Variants in PGAP1 observed in about 807,000 individuals in gnomAD.
PGAP1 encodes GPI inositol-deacylase.
Under a neutral mutation model 127.0 loss-of-function variants are expected in PGAP1, and 76 were observed. The observed-to-expected ratio is 0.60, with a 90% CI of 0.50 to 0.72. PGAP1 has a LOEUF of 0.72. Ranked by LOEUF, PGAP1 falls within the 30% of genes least tolerant of loss-of-function variation. The pLI is 0.00. For missense variants in PGAP1, 982 were observed against 1,071.3 expected (o/e 0.92, Z 1.16); for synonymous variants, 362 against 366.5 (o/e 0.99, Z 0.14).
At chr2:196,925,665 GCT>G (rs1226388119) in intron 1 of PGAP1, among the ~76,000 whole-genome samples, 1 of 151,940 alleles carries the variant, frequency 6.6e-6, no homozygotes, top group African/African-American at 2.4e-5. Context: ...AGAAGGGTTG[GCT>G]CTCTCTTAAA....
chr2:196,925,861 T>A (rs1262783318), intron 1 of PGAP1, among the ~76,000 whole-genome samples: 2 of 152,118 alleles, frequency 1.3e-5, no homozygotes, highest in Non-Finnish European at 2.9e-5. Context: ...CAAGAGGGGA[T>A]CTAGTTTCCA....
rs1386374840 is a variant in PGAP1 at position 196,885,838 on chromosome 2, T to C, written c.1216A>G (p.Met406Val). 7.0e-7 allele frequency: 1 copy of C among 1,420,394 alleles called. No individual in the cohort carries two copies. 88.0% of individuals were successfully genotyped at this position (1,420,394 alleles called of 1,614,324 possible). A position where few individuals can be genotyped will look rare whatever the true frequency, so the allele number is the denominator to read the frequency against. The change falls in exon 11 of 27, where the codon ATG becomes GTG. Residue 406 changes from methionine to valine, a missense_variant. Physicochemically the swap from Met to Val is conservative, Grantham distance 21. Transcript: ENST00000354764. ...WIFACINSTS[M>V]CLQGVDLSWK... Reference sequence around the variant, plus strand: ...ACATGCATTCAAAAGACTTACCACATAGAAGTGCTGTTTATGCAAGCAAAA... The same window carrying C: ...ACATGCATTCAAAAGACTTACCACACAGAAGTGCTGTTTATGCAAGCAAAA...
At chr2:196,853,195 T>C (rs1700774276) in intron 20 of PGAP1, among the ~76,000 whole-genome samples, 1 of 152,230 alleles carries the variant, frequency 6.6e-6, no homozygotes, top group South Asian at 2.1e-4. Flanking sequence ...GTTCTTCCTC[T>C]CTCCCTTTGA....
intron 4 of PGAP1, among the ~76,000 whole-genome samples, chr2:196,904,347 C>G (rs1702613716): frequency 6.6e-6 from 1 of 152,126 alleles, no homozygotes. Context: ...GGCCACAACT[C>G]AAGCTTAGGA....
At chr2:196,869,173 C>T (rs1003990796) in intron 19 of PGAP1, among the ~76,000 whole-genome samples, 2 of 152,140 alleles carry the variant, frequency 1.3e-5, no homozygotes, top group African/African-American at 4.8e-5. Flanking sequence ...TCTAGTGTAT[C>T]AAGCTGACTT....
chr2:196,833,590 C>G lies in PGAP1; in HGVS notation c.*7644G>C, dbSNP rs1027696843. The G allele has an allele frequency of 6.6e-6, 1 of 152,108 alleles. No individual in the cohort carries two copies. The highest frequency in any genetic ancestry group is 2.4e-5 in the African/African-American group (1 of 41,438). 9.4% of individuals were successfully genotyped at this position (152,108 alleles called of 1,614,324 possible). A position where few individuals can be genotyped will look rare whatever the true frequency, so the allele number is the denominator to read the frequency against. ...TATTACATACCCTTGCTCAAACTAC[C>G]TTCATGTCAATAAGATCATGTTTTA... On this transcript the variant is annotated 3_prime_UTR_variant, in exon 27 of 27. Coordinates refer to ENST00000354764, the MANE Select transcript of PGAP1 (RefSeq NM_024989.4).
intron 1 of PGAP1, among the ~76,000 whole-genome samples, chr2:196,925,660 G>C (rs1703334145): frequency 1.3e-5 from 2 of 152,008 alleles, no homozygotes; most frequent in Non-Finnish European, 2.9e-5. Flanking sequence ...GAGAGAGAAG[G>C]GTTGGCTCTC....
chr2:196,889,086 AC>A (rs1366203008), intron 10 of PGAP1, among the ~76,000 whole-genome samples: 1 of 152,200 alleles, frequency 6.6e-6, no homozygotes, highest in Admixed American at 6.5e-5. Flanking sequence ...GTTAATTAAT[AC>A]CCATGAACAT....
At chr2:196,925,591 C>A (rs901992164) in intron 1 of PGAP1, among the ~76,000 whole-genome samples, 8 of 152,072 alleles carry the variant, frequency 5.3e-5, no homozygotes, top group African/African-American at 1.9e-4. Context: ...TCCTACTATG[C>A]CGAACTAACG....
rs573485129 is a variant in PGAP1 at position 196,904,732 on chromosome 2, A to T, written c.650-1990T>A. ...ACAGAGCGTGACTGTCTCAAAAAAA[A>T]AAATAAATAAAAGTCTGGAGGCTTG... On this transcript the variant is annotated intron_variant, in intron 4 of 26. Coordinates refer to ENST00000354764, the MANE Select transcript of PGAP1 (RefSeq NM_024989.4). 3.6e-4 allele frequency among the ~76,000 whole-genome samples: 55 copies of T among 152,282 alleles called. 2 individuals carry two copies. The highest frequency in any genetic ancestry group is 3.5e-3 in the South Asian group (17 of 4,828).
intron 1 of PGAP1, among the ~76,000 whole-genome samples, chr2:196,923,747 G>A (rs1327624830): frequency 2.0e-5 from 3 of 148,962 alleles, no homozygotes; most frequent in African/African-American, 5.0e-5. Context: ...TGCAACCTCC[G>A]CCTCCCTGGT....
chr2:196,919,178 T>G (rs193261552), intron 2 of PGAP1, among the ~76,000 whole-genome samples: 1 of 152,304 alleles, frequency 6.6e-6, no homozygotes, highest in East Asian at 1.9e-4. Context: ...CTGTTTTTGT[T>G]TCTAGCTTTT....
intron 3 of PGAP1, among the ~76,000 whole-genome samples, chr2:196,916,125 C>T (rs1440225746): frequency 2.0e-5 from 3 of 152,142 alleles, no homozygotes; most frequent in Non-Finnish European, 4.4e-5. Flanking sequence ...TTAGTCATAG[C>T]TAGAGGTAGA....
chr2:196,884,574 AGAGTT>A (rs1576152495), intron 12 of PGAP1, among the ~76,000 whole-genome samples: 1 of 152,220 alleles, frequency 6.6e-6, no homozygotes, highest in Admixed American at 6.5e-5. Context: ...TGTATAGTAT[AGAGTT>A]GACTATTCAT....
chr2:196,870,889 G>A (rs1701389414), intron 19 of PGAP1, 52 bp downstream of exon 19: 2 of 1,485,200 alleles, frequency 1.3e-6, no homozygotes, highest in African/African-American at 1.4e-5. Context: ...CTTCCTTAGA[G>A]TTATCTATTC....
chr2:196,900,986 A>G (rs1316376732), intron 5 of PGAP1, among the ~76,000 whole-genome samples: 1 of 152,164 alleles, frequency 6.6e-6, no homozygotes, highest in Non-Finnish European at 1.5e-5. Flanking sequence ...AAAATAGGGA[A>G]GTACACACAC....
chr2:196,841,861 G>C (rs537269749), intron 26 of PGAP1, among the ~76,000 whole-genome samples: 14 of 152,132 alleles, frequency 9.2e-5, no homozygotes, highest in African/African-American at 3.4e-4. Context: ...GCCATACTTG[G>C]CTAGAAAAGA....
At chr2:196,876,716 A>T (rs1462570214) in intron 13 of PGAP1, among the ~76,000 whole-genome samples, 1 of 152,074 alleles carries the variant, frequency 6.6e-6, no homozygotes, top group African/African-American at 2.4e-5. Flanking sequence ...AGGCTTTTCT[A>T]ATAACTATAC....
rs1491504464 is a variant in PGAP1, at chr2:196,919,986, G to GT, written c.301+10dup. On this transcript the variant is annotated intron_variant, in intron 2 of 26. Transcript: ENST00000354764. ...TTATAGCTTTCAAAATTTACTTCCAGTAAGACTTACCTTGCTTATAACTTC... is the reference window on the plus strand; with the variant it reads ...TTATAGCTTTCAAAATTTACTTCCAGTTAAGACTTACCTTGCTTATAACTTC... 6.3e-7 allele frequency: 1 copy of GT among 1,597,062 alleles called. No individual in the cohort carries two copies. The highest frequency in any genetic ancestry group is 1.8e-5 in the Admixed American group (1 of 55,876).
Sources: allele counts gnomAD v4.1 joint callset (sites outside exome capture counted in the v4.1 genomes callset), GRCh38; gene constraint gnomAD v4.1.1; transcripts MANE v1.5; gene names NCBI Gene and HGNC (gene_info 2026-07-23, HGNC 2026-07-21).